The following GSK3B variants were observed in gnomAD, a reference collection of about 807,000 sequenced individuals.
GSK3B encodes glycogen synthase kinase 3 beta.
In GSK3B, 15 loss-of-function variants were observed where a neutral mutation model predicts 56.4. That is an observed-to-expected ratio of 0.27 (90% CI 0.18 to 0.41). GSK3B has a LOEUF of 0.41. Among genes scored for constraint, GSK3B ranks in the 10% least tolerant of loss-of-function variants. The pLI is 1.00. For missense variants in GSK3B, 300 were observed against 513.4 expected, an observed-to-expected ratio of 0.58 and a Z score of 4.02; for synonymous variants, 181 against 188.9, an observed-to-expected ratio of 0.96 and a Z score of 0.34.
chr3:119,906,614 A>G (rs2107447711), intron 6 of GSK3B, among the ~76,000 whole-genome samples: 1 of 152,178 alleles, frequency 6.6e-6, no homozygotes, highest in South Asian at 2.1e-4. Flanking sequence ...CAAAAGTATT[A>G]TCGGATTAGA....
In GSK3B at chr3:119,843,371, AC is replaced by A. The variant is rs1313615928; in HGVS notation, c.1097-19del. The A allele has an allele frequency of 7.1e-7, 1 of 1,404,184 alleles. No homozygotes were observed. Among genetic ancestry groups the A allele is most frequent in the Admixed American group, 1.7e-5 (1 of 59,242 alleles). The allele number at this position is 1,404,184 out of a possible 1,614,324, so 87.0% of individuals were successfully genotyped here. A position where few individuals can be genotyped will look rare whatever the true frequency, so the allele number is the denominator to read the frequency against. On this transcript the variant is annotated intron_variant, in intron 9 of 10. Coordinates refer to ENST00000264235, the MANE Select transcript of GSK3B (RefSeq NM_001146156.2). ...TGACAGTTCTATAGAAGGTTAAGACACAAATGTTAGAGTCCACTCTTAACTT... is the reference window on the plus strand; with the variant it reads ...TGACAGTTCTATAGAAGGTTAAGACAAAATGTTAGAGTCCACTCTTAACTT...
At chr3:119,932,421 A>C in intron 3 of GSK3B, among the ~76,000 whole-genome samples, 1 of 152,152 alleles carries the variant, frequency 6.6e-6, no homozygotes, top group East Asian at 1.9e-4. Context: ...GGGAAAGGGT[A>C]GGCACCTAGC....
intron 7 of GSK3B, among the ~76,000 whole-genome samples, chr3:119,876,770 G>A (rs2056319456): frequency 6.6e-6 from 1 of 151,110 alleles, no homozygotes; most frequent in African/African-American, 2.5e-5. Context: ...ATGGACTCAT[G>A]TCATTAAAGT....
At chr3:120,041,519 T>C in intron 1 of GSK3B, 1 of 225,874 alleles carries the variant, frequency 4.4e-6, no homozygotes, top group South Asian at 7.4e-5. Flanking sequence ...AGAACTTTGA[T>C]TCTTTAGAGT....
chr3:119,850,050 G>GATGTATGT (rs71933764), intron 9 of GSK3B, among the ~76,000 whole-genome samples: 4 of 151,198 alleles, frequency 2.6e-5, no homozygotes, highest in Non-Finnish European at 5.9e-5. Context: ...TAAATCTATA[G>GATGTATGT]ATGTATGTAT....
chr3:120,035,756 T>C (rs1196186910), intron 1 of GSK3B, among the ~76,000 whole-genome samples: 1 of 152,248 alleles, frequency 6.6e-6, no homozygotes, highest in East Asian at 1.9e-4. Flanking sequence ...TGGAACTGTT[T>C]CCTTAATTTC....
intron 1 of GSK3B, among the ~76,000 whole-genome samples, chr3:120,020,872 A>C (rs2057870692): frequency 6.6e-6 from 1 of 152,246 alleles, no homozygotes; most frequent in Non-Finnish European, 1.5e-5. Context: ...TACTCCAGTA[A>C]ACAGATGAAT....
chr3:119,957,214 A>G (rs2057222747), intron 2 of GSK3B, among the ~76,000 whole-genome samples: 1 of 152,214 alleles, frequency 6.6e-6, no homozygotes, highest in South Asian at 2.1e-4. Context: ...TGTGTAAGTT[A>G]AAATTTTAAA....
At chr3:120,001,439 C>T (rs942619518) in intron 2 of GSK3B, among the ~76,000 whole-genome samples, 3 of 152,146 alleles carry the variant, frequency 2.0e-5, no homozygotes, top group African/African-American at 7.2e-5. Context: ...TCAGCTCTTG[C>T]CATGTGATGC....
intron 1 of GSK3B, among the ~76,000 whole-genome samples, chr3:120,059,285 T>C (rs1032305965): frequency 1.3e-5 from 2 of 152,226 alleles, no homozygotes; most frequent in African/African-American, 4.8e-5. Flanking sequence ...AACATTTATA[T>C]CTTCTTCTCT....
intron 1 of GSK3B, among the ~76,000 whole-genome samples, chr3:120,091,552 A>C (rs956396950): frequency 1.8e-4 from 28 of 152,214 alleles, no homozygotes; most frequent in African/African-American, 6.3e-4. Context: ...AGATCTCTGA[A>C]ATAAAGCTAA....
chr3:119,866,528 G>T (rs1200559505), intron 8 of GSK3B: 6 of 967,272 alleles, frequency 6.2e-6, no homozygotes, highest in Non-Finnish European at 1.0e-5. Context: ...TCTCAAAGAA[G>T]ATTTCCCCCA....
At chr3:119,863,320 C>G in intron 9 of GSK3B, 99 bp downstream of exon 9, 1 of 933,840 alleles carries the variant, frequency 1.1e-6, no homozygotes, top group Non-Finnish European at 1.7e-6. Context: ...TTAATATGTC[C>G]GTTTTTGTCC....
chr3:119,986,449 A>G (rs1413120797), intron 2 of GSK3B, among the ~76,000 whole-genome samples: 2 of 152,110 alleles, frequency 1.3e-5, no homozygotes, highest in Non-Finnish European at 2.9e-5. Context: ...ACAAAGGGCT[A>G]ATATCCAGAA....
chr3:119,918,790 A>C (rs2056807290), intron 4 of GSK3B, among the ~76,000 whole-genome samples: 1 of 152,198 alleles, frequency 6.6e-6, no homozygotes. Flanking sequence ...TAAAACAATT[A>C]CTATGCTTCA....
chr3:119,897,793 CAAAAAA>C (rs11464173), intron 7 of GSK3B, among the ~76,000 whole-genome samples: 2 of 73,150 alleles, frequency 2.7e-5, no homozygotes, highest in African/African-American at 4.2e-5. Context: ...GACTCTGTCT[CAAAAAA>C]AAAAAAAAAA....
chr3:119,897,824 G>T (rs1032014197), intron 7 of GSK3B, among the ~76,000 whole-genome samples: 1 of 145,160 alleles, frequency 6.9e-6, no homozygotes, highest in Admixed American at 6.8e-5. Context: ...AAAAGAAAAA[G>T]AAAGATTGTC....
intron 1 of GSK3B, among the ~76,000 whole-genome samples, chr3:120,056,667 T>A (rs4687893): frequency 0.53 from 79,978 of 152,046 alleles, 24,359 homozygotes; most frequent in African/African-American, 0.85. Context: ...TTAAGAGTAC[T>A]AAGGAGTCCT....
chr3:119,993,888 A>C (rs1330393737), intron 2 of GSK3B, among the ~76,000 whole-genome samples: 2 of 152,164 alleles, frequency 1.3e-5, no homozygotes, highest in African/African-American at 4.8e-5. Flanking sequence ...AATCTGAAGC[A>C]ATTTTTTTTG....
Sources: gnomAD v4.1 joint callset for allele counts (sites outside exome capture counted in the v4.1 genomes callset) on GRCh38, gnomAD v4.1.1 for gene constraint, MANE v1.5 for transcripts, NCBI Gene and HGNC (gene_info 2026-07-23, HGNC 2026-07-21) for gene names.